UNC13B: variants seen among roughly 807,000 people sequenced by gnomAD.
UNC13B encodes protein unc-13 homolog B.
In UNC13B, 144 loss-of-function variants were observed where a neutral mutation model predicts 211.0. The ratio of observed to expected loss-of-function variants is 0.68; its 90% CI spans 0.60 to 0.78. The LOEUF (loss-of-function observed/expected upper bound fraction) is 0.78. Ranked by LOEUF, UNC13B falls within the 30% of genes least tolerant of loss-of-function variation. The pLI is 0.00. For synonymous variants in UNC13B, 709 were observed against 725.8 expected (o/e 0.98, Z 0.37); for missense variants, 1,777 against 2,002.0 (o/e 0.89, Z 2.14).
At chr9:35,369,815 C>G (rs1312210252) in intron 12 of UNC13B, among the ~76,000 whole-genome samples, 1 of 152,126 alleles carries the variant, frequency 6.6e-6, no homozygotes, top group African/African-American at 2.4e-5. Context: ...ACTGGTGACT[C>G]TTTTACTCTT....
Position 35,384,209 on chromosome 9 carries a change from C to G in UNC13B, c.10807-37C>G, listed in dbSNP as rs200352799. 2.2e-5 allele frequency: 35 copies of G among 1,613,102 alleles called. No individual in the cohort carries two copies. In the East Asian group the frequency reaches 7.1e-4, roughly 33 times the overall value. ...AGTTTAGGGGACTCAGACACAGGTTCTCTTTTTCTTCCCCTTTATTTGTTT... is the reference window on the plus strand; with the variant it reads ...AGTTTAGGGGACTCAGACACAGGTTGTCTTTTTCTTCCCCTTTATTTGTTT... On this transcript the variant is annotated intron_variant, in intron 21 of 39. Coordinates refer to ENST00000635942, the MANE Select transcript of UNC13B (RefSeq NM_001371189.2).
chr9:35,353,801 A>G (rs563418034), intron 11 of UNC13B: 1 of 1,231,790 alleles, frequency 8.1e-7, no homozygotes, highest in Non-Finnish European at 1.0e-6. Flanking sequence ...AGTAGAAGAC[A>G]TACACTCAGG....
Position 35,307,530 on chromosome 9 carries a change from A to T in UNC13B, c.8126A>T (p.Asp2709Val), listed in dbSNP as rs574438885. Reference sequence around the variant, plus strand: ...GAAACTGATACTATGCTGTTCAATGATGCAAGTGTGAGCCAGAGCACCACT... The same window carrying T: ...GAAACTGATACTATGCTGTTCAATGTTGCAAGTGTGAGCCAGAGCACCACT... The part of the protein sequence containing the change: ...SLETDTMLFN[D>V]ASVSQSTTLE... The change falls in exon 9 of 40, where the codon GAT becomes GTT. Residue 2709 changes from aspartate (D) to valine (V), a missense_variant. By Grantham distance (152) the Asp-to-Val change is radical. Coordinates refer to ENST00000635942, the MANE Select transcript of UNC13B (RefSeq NM_001371189.2). 2.5e-6 allele frequency: 1 copy of T among 398,904 alleles called. No individual in the cohort carries two copies. The highest frequency in any genetic ancestry group is 1.3e-4 in the South Asian group (1 of 7,854). The allele number at this position is 398,904 out of a possible 1,614,324, so 24.7% of individuals were successfully genotyped here. A position where few individuals can be genotyped will look rare whatever the true frequency, so the allele number is the denominator to read the frequency against.
At chr9:35,254,988 ATATATTATAT>A (rs535651973) in intron 6 of UNC13B, among the ~76,000 whole-genome samples, 2 of 121,174 alleles carry the variant, frequency 1.7e-5, no homozygotes, top group Non-Finnish European at 3.3e-5. Context: ...TAATATATGT[ATATATTATAT>A]TATATTATAT....
intron 6 of UNC13B, among the ~76,000 whole-genome samples, chr9:35,244,816 T>C (rs1464144444): frequency 6.6e-6 from 1 of 152,196 alleles, no homozygotes; most frequent in East Asian, 1.9e-4. Context: ...AAGTCTAACA[T>C]ATCTTTTAGG....
At chr9:35,334,570 C>T (rs1831547202) in intron 11 of UNC13B, among the ~76,000 whole-genome samples, 1 of 152,170 alleles carries the variant, frequency 6.6e-6, no homozygotes, top group Admixed American at 6.5e-5. Flanking sequence ...CCATTCCTGG[C>T]CACTTATTTT....
chr9:35,163,437 G>A (rs1426135939), intron 1 of UNC13B, among the ~76,000 whole-genome samples: 1 of 152,174 alleles, frequency 6.6e-6, no homozygotes, highest in Non-Finnish European at 1.5e-5. Flanking sequence ...AAATGGATTT[G>A]GCCATTTCCC....
At chr9:35,204,922 A>T (rs1326164545) in intron 1 of UNC13B, among the ~76,000 whole-genome samples, 1 of 152,166 alleles carries the variant, frequency 6.6e-6, no homozygotes, top group Non-Finnish European at 1.5e-5. Flanking sequence ...CCAGGGGCAG[A>T]ATGATATGGT....
chr9:35,365,782 T>A (rs1036517151), intron 11 of UNC13B, among the ~76,000 whole-genome samples: 1 of 152,158 alleles, frequency 6.6e-6, no homozygotes, highest in Non-Finnish European at 1.5e-5. Context: ...ATAGAAAGGA[T>A]AGGAGGCAGA....
intron 1 of UNC13B, among the ~76,000 whole-genome samples, chr9:35,181,649 C>A (rs775578411): frequency 2.3e-4 from 35 of 152,012 alleles, no homozygotes; most frequent in Non-Finnish European, 4.0e-4. Flanking sequence ...CCAGCCTGGC[C>A]AACATGGTGA....
chr9:35,314,014 T>C (rs1830322696), intron 11 of UNC13B, 25 bp downstream of exon 11: 2 of 1,585,014 alleles, frequency 1.3e-6, no homozygotes, highest in Non-Finnish European at 1.7e-6. Context: ...CTAGTACTGG[T>C]TGGGACAATT....
At chr9:35,214,811 T>C (rs767933836) in intron 1 of UNC13B, among the ~76,000 whole-genome samples, 5 of 152,128 alleles carry the variant, frequency 3.3e-5, no homozygotes, top group Non-Finnish European at 7.4e-5. Flanking sequence ...CTGAGAGAAA[T>C]TACTATCTAG....
rs1406151802 is a variant in UNC13B at position 35,305,278 on chromosome 9, A to T, written c.5874A>T (p.Glu1958Asp). Reference protein sequence around the residue: ...QVNKEGSPNLEKIGDTNVKIP... With the variant: ...QVNKEGSPNLDKIGDTNVKIP... The stretch of plus-strand genomic sequence containing the variant: ...ATAAAGAAGGATCACCAAACTTAGA[A>T]AAGATTGGTGATACAAATGTCAAGA... The change falls in exon 9 of 40, where the codon GAA (glutamate) becomes GAT (aspartate). Residue 1958 changes from glutamate to aspartate, a missense_variant. Physicochemically the swap from Glu to Asp is conservative, Grantham distance 45 (BLOSUM62 2). Transcript: ENST00000635942. 1 of 398,850 alleles carries T rather than the reference A, an allele frequency of 2.5e-6. No homozygotes were observed. Among genetic ancestry groups the T allele is most frequent in the African/African-American group, 2.1e-5 (1 of 48,638 alleles). The allele number at this position is 398,850 out of a possible 1,614,324, so 24.7% of individuals were successfully genotyped here.
At chr9:35,311,135 C>T (rs1377676324) in intron 10 of UNC13B, among the ~76,000 whole-genome samples, 4 of 152,152 alleles carry the variant, frequency 2.6e-5, no homozygotes, top group Admixed American at 6.6e-5. Context: ...ACCACCACAC[C>T]TGGCTAATTG....
intron 11 of UNC13B, among the ~76,000 whole-genome samples, chr9:35,322,758 A>G (rs1360058199): frequency 6.6e-6 from 1 of 152,150 alleles, no homozygotes; most frequent in African/African-American, 2.4e-5. Context: ...TGCACCATTC[A>G]GACTTTGCAC....
intron 11 of UNC13B, among the ~76,000 whole-genome samples, chr9:35,329,215 G>A (rs1046290896): frequency 2.0e-5 from 3 of 152,080 alleles, no homozygotes; most frequent in African/African-American, 7.2e-5. Flanking sequence ...CTTCCCCAGG[G>A]GTTGGATACC....
chr9:35,278,446 T>A (rs1828296608), intron 7 of UNC13B, among the ~76,000 whole-genome samples: 1 of 152,172 alleles, frequency 6.6e-6, no homozygotes, highest in African/African-American at 2.4e-5. Flanking sequence ...CAGGACCACA[T>A]GCCCTGCAGG....
At chr9:35,350,811 C>A (rs1379727375) in intron 11 of UNC13B, among the ~76,000 whole-genome samples, 2 of 152,240 alleles carry the variant, frequency 1.3e-5, no homozygotes, top group African/African-American at 4.8e-5. Flanking sequence ...TAAGCACAGG[C>A]AGGGGTAAAC....
intron 7 of UNC13B, among the ~76,000 whole-genome samples, chr9:35,286,886 A>G (rs996811352): frequency 6.6e-6 from 1 of 151,814 alleles, no homozygotes; most frequent in Non-Finnish European, 1.5e-5. Flanking sequence ...TGTTCTGTGT[A>G]TTTCTTCATG....
Sources: allele counts gnomAD v4.1 joint callset (sites outside exome capture counted in the v4.1 genomes callset), GRCh38; gene constraint gnomAD v4.1.1; transcripts MANE v1.5; gene names NCBI Gene and HGNC (gene_info 2026-07-23, HGNC 2026-07-21).